The following RIMS2 variants were observed in gnomAD, a reference collection of about 807,000 sequenced individuals.
RIMS2 encodes regulating synaptic membrane exocytosis 2, also known as regulating synaptic membrane exocytosis protein 2.
In RIMS2, 59 loss-of-function variants were observed where a neutral mutation model predicts 174.4. The ratio of observed to expected loss-of-function variants is 0.34; its 90% CI spans 0.27 to 0.42. The LOEUF (loss-of-function observed/expected upper bound fraction) is 0.42, where lower values mean the gene tolerates loss of function less well. Ranked by LOEUF, RIMS2 falls within the 10% of genes least tolerant of loss-of-function variation. The pLI is 1.00. For synonymous variants in RIMS2, 606 were observed against 572.5 expected (o/e 1.06, Z -0.84); for missense variants, 1,620 against 1,666.3 (o/e 0.97, Z 0.48).
chr8:103,567,089 G>A (rs760075987), intron 1 of RIMS2, among the ~76,000 whole-genome samples: 57 of 152,030 alleles, frequency 3.7e-4, no homozygotes, highest in Admixed American at 7.9e-4. Context: ...ACAGTATGTT[G>A]TCTTTTATGA....
chr8:103,583,631 A>G (rs994150985), intron 1 of RIMS2, among the ~76,000 whole-genome samples: 2 of 152,206 alleles, frequency 1.3e-5, no homozygotes, highest in Non-Finnish European at 2.9e-5. Context: ...GAAGAATGTA[A>G]CAGAGTCCTT....
chr8:103,761,622 T>G (rs2098113970), intron 2 of RIMS2, among the ~76,000 whole-genome samples: 1 of 152,226 alleles, frequency 6.6e-6, no homozygotes, highest in African/African-American at 2.4e-5. Flanking sequence ...AGAATATAAT[T>G]GTATGGTCAT....
chr8:103,941,452 A>C (rs900543834), intron 13 of RIMS2, among the ~76,000 whole-genome samples: 6 of 151,668 alleles, frequency 4.0e-5, no homozygotes, highest in Non-Finnish European at 1.5e-5. Flanking sequence ...GCACCCCTGC[A>C]CTCCAGCCTG....
intron 2 of RIMS2, among the ~76,000 whole-genome samples, chr8:103,714,113 A>G (rs972797379): frequency 1.3e-5 from 2 of 152,178 alleles, no homozygotes; most frequent in Admixed American, 1.3e-4. Context: ...TCAAAAGTGT[A>G]TTATTATTAA....
chr8:103,753,817 G>C (rs142215642), intron 2 of RIMS2, among the ~76,000 whole-genome samples: 6 of 151,756 alleles, frequency 4.0e-5, no homozygotes, highest in Non-Finnish European at 5.9e-5. Flanking sequence ...ATTCTTCTCT[G>C]TTTTCTTCTT....
intron 19 of RIMS2, among the ~76,000 whole-genome samples, chr8:104,166,059 C>CTTTTTTTTTTTTTTTTTT (rs560648211): frequency 1.0e-5 from 1 of 97,854 alleles, no homozygotes; most frequent in Non-Finnish European, 2.0e-5. Context: ...TTTTGGATTT[C>CTTTTTTTTTTTTTTTTTT]TTTTTTTTTT....
chr8:104,008,408 T>A (rs1263870287), intron 17 of RIMS2, among the ~76,000 whole-genome samples: 2 of 151,712 alleles, frequency 1.3e-5, no homozygotes, highest in East Asian at 3.8e-4. Context: ...TGTTATTTTT[T>A]AAATAAAAAT....
intron 3 of RIMS2, among the ~76,000 whole-genome samples, chr8:103,810,943 CTAT>C (rs923645672): frequency 1.9e-4 from 29 of 152,080 alleles, no homozygotes; most frequent in African/African-American, 6.8e-4. Flanking sequence ...GTGCAAATGA[CTAT>C]TATTTCTAAT....
At chr8:104,210,981 A>G (rs1375455096) in intron 19 of RIMS2, among the ~76,000 whole-genome samples, 1 of 152,226 alleles carries the variant, frequency 6.6e-6, no homozygotes, top group African/African-American at 2.4e-5. Flanking sequence ...AACTTAAGAA[A>G]TCTTTCCTCT....
chr8:103,756,005 T>C (rs1591736164), intron 2 of RIMS2, among the ~76,000 whole-genome samples: 1 of 152,136 alleles, frequency 6.6e-6, no homozygotes, highest in African/African-American at 2.4e-5. Context: ...GGCAAAGAGG[T>C]GCTCTGGTGT....
intron 19 of RIMS2, chr8:104,223,538 G>A: frequency 7.0e-7 from 1 of 1,422,102 alleles, no homozygotes; most frequent in Non-Finnish European, 9.2e-7. Flanking sequence ...TCAGGGTCCC[G>A]TGGCACCAAC....
chr8:103,786,218 C>A (rs183564134), intron 3 of RIMS2, among the ~76,000 whole-genome samples: 174 of 152,180 alleles, frequency 1.1e-3, no homozygotes, highest in Non-Finnish European at 1.3e-3. Flanking sequence ...TTTCAAAAAA[C>A]CAGCTCCTGG....
In RIMS2 at chr8:104,181,364, A is replaced by T. The variant is rs114470766; in HGVS notation, c.3335-63552A>T. On this transcript the variant is annotated intron_variant, in intron 19 of 23. Coordinates refer to ENST00000504942, the Ensembl canonical transcript of RIMS2. ...ATTATGATTAATTCAGCATTCTAAG[A>T]TATTACTTGTGATCATTGTAGGGGC... Among the ~76,000 whole-genome samples, 539 of 151,758 alleles carry T rather than the reference A, an allele frequency of 3.6e-3. 4 individuals carry two copies. The highest frequency in any genetic ancestry group is 0.013 in the African/African-American group (519 of 41,506).
rs147703130 is a variant in RIMS2 at position 104,182,274 on chromosome 8, T to A, written c.3335-62642T>A. On this transcript the variant is annotated intron_variant, in intron 19 of 23. Coordinates refer to ENST00000504942, the Ensembl canonical transcript of RIMS2. Reference sequence around the variant, plus strand: ...CTTAGGTTATCACAGATATTTTGGCTACAAAAATAATCTGTCACGGAAATA... The same window carrying A: ...CTTAGGTTATCACAGATATTTTGGCAACAAAAATAATCTGTCACGGAAATA... Among the ~76,000 whole-genome samples the A allele has an allele frequency of 5.2e-4, 79 of 151,972 alleles. 2 individuals carry two copies. The East Asian group carries it at 0.014, about 28-fold the overall frequency.
intron 19 of RIMS2, among the ~76,000 whole-genome samples, chr8:104,218,090 ATCC>A (rs769246325): frequency 6.6e-6 from 1 of 152,204 alleles, no homozygotes; most frequent in Non-Finnish European, 1.5e-5. Context: ...CAACTGATGA[ATCC>A]TCCTATTACC....
chr8:103,659,797 T>A (rs1414929319), intron 1 of RIMS2, among the ~76,000 whole-genome samples: 1 of 152,202 alleles, frequency 6.6e-6, no homozygotes, highest in East Asian at 1.9e-4. Flanking sequence ...AGAATTGACC[T>A]GACGAGTGGA....
intron 17 of RIMS2, among the ~76,000 whole-genome samples, chr8:103,996,875 A>G (rs139845069): frequency 1.2e-3 from 177 of 152,076 alleles, no homozygotes; most frequent in African/African-American, 3.4e-3. Context: ...AGTTCAGTGT[A>G]TATGAACTGA....
intron 3 of RIMS2, among the ~76,000 whole-genome samples, chr8:103,838,972 A>G (rs1413095663): frequency 6.6e-6 from 1 of 152,066 alleles, no homozygotes; most frequent in East Asian, 1.9e-4. Context: ...GGCTGAGGCA[A>G]GAGAACGGCG....
intron 10 of RIMS2, among the ~76,000 whole-genome samples, chr8:103,922,871 A>G (rs896101962): frequency 6.6e-6 from 1 of 151,982 alleles, no homozygotes; most frequent in African/African-American, 2.4e-5. Context: ...ATCATTAGAC[A>G]TGTCTTTTTT....
Sources: allele counts gnomAD v4.1 joint callset (sites outside exome capture counted in the v4.1 genomes callset), GRCh38; gene constraint gnomAD v4.1.1; transcripts MANE v1.5; gene names NCBI Gene and HGNC (gene_info 2026-07-23, HGNC 2026-07-21).